DYM: variants seen among roughly 807,000 people sequenced by gnomAD.
The protein encoded by DYM is dyggve-Melchior-Clausen syndrome protein.
Under a neutral mutation model 93.1 loss-of-function variants are expected in DYM, and 78 were observed. The ratio of observed to expected loss-of-function variants is 0.84; its 90% CI spans 0.70 to 1.01. DYM has a LOEUF of 1.01. DYM is among the 50% of genes least tolerant of loss of function. DYM has a pLI of 0.00. For missense variants in DYM, 789 were observed against 845.0 expected (o/e 0.93, Z 0.82); for synonymous variants, 321 against 319.7 (o/e 1.00, Z -0.04).
chr18:49,104,877 T>G (rs1404241868), intron 16 of DYM, among the ~76,000 whole-genome samples: 15 of 152,214 alleles, frequency 9.9e-5, no homozygotes, highest in African/African-American at 3.6e-4. Context: ...TCTCTTTTTT[T>G]GTTGTGTCTC....
chr18:49,449,905 T>G (rs1394496075), intron 1 of DYM, among the ~76,000 whole-genome samples: 1 of 152,166 alleles, frequency 6.6e-6, no homozygotes, highest in African/African-American at 2.4e-5. Flanking sequence ...AATCACTTAC[T>G]AACCAGGTTT....
At chr18:49,405,894 A>T (rs2071440131) in intron 2 of DYM, among the ~76,000 whole-genome samples, 1 of 152,032 alleles carries the variant, frequency 6.6e-6, no homozygotes, top group Non-Finnish European at 1.5e-5. Flanking sequence ...ATTGTCTATG[A>T]TTTCTTTCAG....
At chr18:49,377,881 C>T (rs1462140127) in intron 5 of DYM, among the ~76,000 whole-genome samples, 2 of 152,154 alleles carry the variant, frequency 1.3e-5, no homozygotes, top group African/African-American at 4.8e-5. Context: ...AATACCTGTT[C>T]CCACAAGAGA....
intron 14 of DYM, among the ~76,000 whole-genome samples, chr18:49,187,635 T>A (rs530899781): frequency 1.3e-5 from 2 of 152,210 alleles, no homozygotes; most frequent in East Asian, 3.9e-4. Context: ...ATAATATATC[T>A]AAAAATAACA....
chr18:49,296,067 G>C (rs2060523441), intron 8 of DYM, among the ~76,000 whole-genome samples: 1 of 152,046 alleles, frequency 6.6e-6, no homozygotes, highest in Admixed American at 6.6e-5. Flanking sequence ...GATTAGTAGT[G>C]GGTGGCAGGT....
intron 15 of DYM, among the ~76,000 whole-genome samples, chr18:49,144,759 C>A (rs1384490619): frequency 6.6e-6 from 1 of 151,758 alleles, no homozygotes; most frequent in African/African-American, 2.4e-5. Context: ...CTTAGTTAAT[C>A]TCTTCTATTT....
chr18:49,160,375 C>T (rs2086947902), intron 15 of DYM, among the ~76,000 whole-genome samples: 2 of 152,158 alleles, frequency 1.3e-5, no homozygotes, highest in Admixed American at 1.3e-4. Context: ...TATGTTGTTA[C>T]TCAACTGATT....
intron 15 of DYM, 40 bp from the exon 16 acceptor site, chr18:49,118,966 T>C: frequency 6.4e-7 from 1 of 1,556,936 alleles, no homozygotes; most frequent in Non-Finnish European, 8.9e-7. Flanking sequence ...GTCAGTCTTT[T>C]CCTCCTTGCA....
At chr18:49,260,747 G>T (rs952295279) in intron 11 of DYM, among the ~76,000 whole-genome samples, 5 of 151,908 alleles carry the variant, frequency 3.3e-5, no homozygotes, top group African/African-American at 1.2e-4. Flanking sequence ...AATGTCTCAA[G>T]ATTTTTGAGG....
Position 49,209,729 on chromosome 18 carries a change from G to A in DYM, c.1461-14C>T. On this transcript the variant is annotated splice_polypyrimidine_tract_variant and intron_variant, in intron 13 of 17. Transcript: ENST00000675505. ...CGGCAGGTATAACTGAAAGACAAAGGTAAAAGGAGAGAAACAGAAAGAGAG... is the reference window on the plus strand; with the variant it reads ...CGGCAGGTATAACTGAAAGACAAAGATAAAAGGAGAGAAACAGAAAGAGAG... 3 of 1,239,020 alleles carry A rather than the reference G, an allele frequency of 2.4e-6. No homozygotes were observed. Among genetic ancestry groups the A allele is most frequent in the Non-Finnish European group, 2.1e-6 (2 of 960,822 alleles). 76.8% of individuals were successfully genotyped at this position (1,239,020 alleles called of 1,614,324 possible).
chr18:49,061,725 G>A (rs918804187), intron 17 of DYM, among the ~76,000 whole-genome samples: 1 of 152,232 alleles, frequency 6.6e-6, no homozygotes, highest in Non-Finnish European at 1.5e-5. Flanking sequence ...CAGGGTGAGT[G>A]GGCAGAGAGA....
intron 14 of DYM, among the ~76,000 whole-genome samples, chr18:49,205,039 C>A (rs1460142703): frequency 3.9e-5 from 6 of 152,216 alleles, no homozygotes; most frequent in African/African-American, 1.4e-4. Flanking sequence ...CGGCTTACTG[C>A]AACCTCTGCC....
intron 2 of DYM, chr18:49,413,053 G>C (rs2072463456): frequency 6.6e-6 from 1 of 152,184 alleles, no homozygotes; most frequent in Non-Finnish European, 1.5e-5. Context: ...TTGAAAATGT[G>C]AACATATAAT....
At chr18:49,440,347 T>C (rs1267207562) in intron 1 of DYM, among the ~76,000 whole-genome samples, 1 of 131,204 alleles carries the variant, frequency 7.6e-6, no homozygotes, top group Non-Finnish European at 1.6e-5. Flanking sequence ...ATATGATATA[T>C]AATATAGTAT....
At chr18:49,459,502 A>T (rs1244732523) in intron 1 of DYM, among the ~76,000 whole-genome samples, 3 of 151,860 alleles carry the variant, frequency 2.0e-5, no homozygotes, top group African/African-American at 7.3e-5. Flanking sequence ...TAAGCACCTG[A>T]GTTCCTCTGG....
chr18:49,202,556 CT>C (rs780671528), intron 14 of DYM, among the ~76,000 whole-genome samples: 6 of 131,298 alleles, frequency 4.6e-5, no homozygotes, highest in Non-Finnish European at 9.7e-5. Context: ...AGGAGCGCCT[CT>C]TCCCAGCCGC....
chr18:49,331,666 AT>A (rs2063314271), intron 8 of DYM, among the ~76,000 whole-genome samples, 197 bp downstream of exon 8: 1 of 152,244 alleles, frequency 6.6e-6, no homozygotes, highest in Non-Finnish European at 1.5e-5. Context: ...TAATCCATTC[AT>A]TATTTGCATA....
At chr18:49,323,526 C>A (rs568021087) in intron 8 of DYM, among the ~76,000 whole-genome samples, 1 of 152,110 alleles carries the variant, frequency 6.6e-6, no homozygotes, top group Non-Finnish European at 1.5e-5. Context: ...TAGATGAGAT[C>A]GTGAGAGTGG....
chr18:49,402,143 T>A (rs533267450), intron 2 of DYM, among the ~76,000 whole-genome samples: 2 of 152,106 alleles, frequency 1.3e-5, no homozygotes, highest in East Asian at 3.9e-4. Flanking sequence ...ATGAAGAGAA[T>A]CTCCCTAGGG....
Sources: gnomAD v4.1 joint callset for allele counts (sites outside exome capture counted in the v4.1 genomes callset) on GRCh38, gnomAD v4.1.1 for gene constraint, MANE v1.5 for transcripts, NCBI Gene and HGNC (gene_info 2026-07-23, HGNC 2026-07-21) for gene names.